The following ABTB2 variants were observed in gnomAD, a reference collection of about 807,000 sequenced individuals.
ABTB2 encodes the protein ankyrin repeat and BTB domain containing 2, also known as ankyrin repeat and BTB/POZ domain-containing protein 2.
Under a neutral mutation model 104.1 loss-of-function variants are expected in ABTB2, and 56 were observed. That is an observed-to-expected ratio of 0.54 (90% CI 0.43 to 0.67). The LOEUF is 0.67. Among genes scored for constraint, ABTB2 ranks in the 30% least tolerant of loss-of-function variants. ABTB2 has a pLI of 0.00. For synonymous variants in ABTB2, 606 were observed against 608.2 expected (o/e 1.00, Z 0.05); for missense variants, 1,279 against 1,407.7 (o/e 0.91, Z 1.46).
intron 1 of ABTB2, among the ~76,000 whole-genome samples, chr11:34,221,411 C>A (rs997177006): frequency 6.6e-6 from 1 of 152,256 alleles, no homozygotes; most frequent in African/African-American, 2.4e-5. Flanking sequence ...AATTTCAACA[C>A]AGGAATCTTG....
At chr11:34,182,511 A>C (rs563768988) in intron 3 of ABTB2, among the ~76,000 whole-genome samples, 3 of 124,602 alleles carry the variant, frequency 2.4e-5, no homozygotes, top group Non-Finnish European at 3.3e-5. Flanking sequence ...GGGGGGGGGA[A>C]ATTCACTTTT....
At chr11:34,160,401 T>C in intron 11 of ABTB2, 48 bp from the exon 12 acceptor site, 1 of 1,337,124 alleles carries the variant, frequency 7.5e-7, no homozygotes. Flanking sequence ...TGTGGCTGGC[T>C]GTTCACAGAT....
chr11:34,340,042 T>C (rs906202244), intron 1 of ABTB2, among the ~76,000 whole-genome samples: 1 of 75,938 alleles, frequency 1.3e-5, no homozygotes, highest in Non-Finnish European at 2.3e-5. Flanking sequence ...CCCACCATCC[T>C]CCAAACAAAC....
chr11:34,309,020 A>G (rs534884220), intron 1 of ABTB2, among the ~76,000 whole-genome samples: 1 of 152,356 alleles, frequency 6.6e-6, no homozygotes, highest in South Asian at 2.1e-4. Context: ...AATGTGCTGC[A>G]ATCCTGAATG....
chr11:34,158,576 G>C (rs2133002261), intron 14 of ABTB2, among the ~76,000 whole-genome samples: 1 of 152,330 alleles, frequency 6.6e-6, no homozygotes, highest in African/African-American at 2.4e-5. Context: ...ATAAGGGTCA[G>C]CTCTTGCAGC....
At chr11:34,274,915 C>T (rs964623574) in intron 1 of ABTB2, among the ~76,000 whole-genome samples, 2 of 152,124 alleles carry the variant, frequency 1.3e-5, no homozygotes, top group African/African-American at 2.4e-5. Context: ...CCAGACTAAG[C>T]GGGGGTGATG....
chr11:34,194,986 C>T (rs1041122081), intron 3 of ABTB2, among the ~76,000 whole-genome samples: 3 of 150,312 alleles, frequency 2.0e-5, no homozygotes, highest in Non-Finnish European at 4.4e-5. Context: ...CAACTCAGAT[C>T]ATGAAGAAAC....
intron 1 of ABTB2, among the ~76,000 whole-genome samples, chr11:34,227,885 C>T (rs1374782121): frequency 6.8e-6 from 1 of 147,668 alleles, no homozygotes; most frequent in African/African-American, 2.5e-5. Flanking sequence ...CAGGCACGTG[C>T]CACCACACCT....
intron 3 of ABTB2, among the ~76,000 whole-genome samples, chr11:34,195,075 C>G (rs1455190944): frequency 2.2e-4 from 4 of 18,076 alleles, no homozygotes; most frequent in Admixed American, 6.6e-4. Context: ...AGATGCCCGG[C>G]GGGGGGGGGG....
At position 34,312,327 on chromosome 11, in the gene ABTB2, G is replaced by A. The variant is rs907945945; in HGVS notation, c.883+44374C>T. On this transcript the variant is annotated intron_variant, in intron 1 of 16. Transcript: ENST00000435224. Reference sequence around the variant, plus strand: ...TTCATTCATTTCAGAGGGTCTCTACGAGGCAAGTGATGTTGGACTTAGGGC... The same window carrying A: ...TTCATTCATTTCAGAGGGTCTCTACAAGGCAAGTGATGTTGGACTTAGGGC... Among the ~76,000 whole-genome samples, 7 of 152,214 alleles carry A rather than the reference G, an allele frequency of 4.6e-5. No homozygotes were observed. In the East Asian group the frequency reaches 9.7e-4, roughly 21 times the overall value.
At chr11:34,157,789 G>A (rs1225972515) in intron 14 of ABTB2, among the ~76,000 whole-genome samples, 1 of 152,172 alleles carries the variant, frequency 6.6e-6, no homozygotes, top group South Asian at 2.1e-4. Context: ...TGCCAATCCA[G>A]GTCACCACTG....
chr11:34,246,917 G>A (rs1204595581), intron 1 of ABTB2, among the ~76,000 whole-genome samples: 6 of 147,364 alleles, frequency 4.1e-5, no homozygotes, highest in Admixed American at 6.9e-5. Flanking sequence ...GCATGATCTC[G>A]GCTCACCGCA....
intron 1 of ABTB2, among the ~76,000 whole-genome samples, chr11:34,340,701 C>G (rs1395160064): frequency 3.3e-5 from 5 of 152,186 alleles, no homozygotes; most frequent in African/African-American, 1.2e-4. Context: ...AAACTTTAAC[C>G]TCAAGTTCCA....
intron 3 of ABTB2, among the ~76,000 whole-genome samples, chr11:34,188,429 G>A (rs1277170038): frequency 2.0e-5 from 3 of 152,194 alleles, no homozygotes; most frequent in South Asian, 2.1e-4. Flanking sequence ...AACAAAAAGA[G>A]CGTACAGTGA....
chr11:34,348,377 C>T (rs1316653907), intron 1 of ABTB2, among the ~76,000 whole-genome samples: 3 of 152,188 alleles, frequency 2.0e-5, no homozygotes, highest in Admixed American at 6.5e-5. Flanking sequence ...GAAAGCTTTC[C>T]TTTTTCCTGT....
At chr11:34,172,391 A>ATATATAT (rs1342794981) in intron 4 of ABTB2, among the ~76,000 whole-genome samples, 1 of 26,766 alleles carries the variant, frequency 3.7e-5, no homozygotes, top group Non-Finnish European at 8.5e-5. Flanking sequence ...AAAAAAAAAA[A>ATATATAT]AAAAATATAT....
intron 3 of ABTB2, among the ~76,000 whole-genome samples, chr11:34,188,328 G>A (rs1853129476): frequency 1.3e-5 from 2 of 152,288 alleles, no homozygotes; most frequent in African/African-American, 2.4e-5. Flanking sequence ...AGCAGGAACA[G>A]GGCAGACCGA....
chr11:34,312,069 A>G (rs1362445780), intron 1 of ABTB2, among the ~76,000 whole-genome samples: 1 of 149,018 alleles, frequency 6.7e-6, no homozygotes, highest in Non-Finnish European at 1.5e-5. Flanking sequence ...TGAACCCAGG[A>G]GGTGGAGGTT....
rs867975309 is a variant in ABTB2, at chr11:34,311,682, C to A, written c.883+45019G>T. ...AGGTGTCCATTTATACTGGGAGGCA[C>A]TTATTTAAGCCCAGCCCCAGTTACT... is the stretch of plus-strand genomic sequence containing the variant. On this transcript the variant is annotated intron_variant, in intron 1 of 16. Transcript: ENST00000435224. Among the ~76,000 whole-genome samples the A allele has an allele frequency of 2.6e-5, 4 of 152,144 alleles. No homozygotes were observed. The South Asian group carries it at 6.2e-4, about 24-fold the overall frequency.
Sources: gnomAD v4.1 joint callset for allele counts (sites outside exome capture counted in the v4.1 genomes callset) on GRCh38, gnomAD v4.1.1 for gene constraint, MANE v1.5 for transcripts, NCBI Gene and HGNC (gene_info 2026-07-23, HGNC 2026-07-21) for gene names.